The following CADM2 variants were observed in gnomAD, a reference collection of about 807,000 sequenced individuals.
CADM2 encodes cell adhesion molecule 2.
A neutral mutation model predicts 49.8 loss-of-function variants in CADM2; 12 were observed. That is an observed-to-expected ratio of 0.24 (90% CI 0.15 to 0.39). The LOEUF is 0.39. Ranked by LOEUF, CADM2 falls within the 10% of genes least tolerant of loss-of-function variation. The pLI, the probability that CADM2 is intolerant of heterozygous loss-of-function variation, is 1.00. For missense variants in CADM2, 378 were observed against 492.3 expected, an observed-to-expected ratio of 0.77 and a Z score of 2.20; for synonymous variants, 214 against 175.4, an observed-to-expected ratio of 1.22 and a Z score of -1.74.
At chr3:85,979,589 G>C (rs1285711903) in intron 8 of CADM2, among the ~76,000 whole-genome samples, 1 of 151,586 alleles carries the variant, frequency 6.6e-6, no homozygotes, top group African/African-American at 2.4e-5. Context: ...TGCCTGTCTT[G>C]AGAGGTAAAC....
At chr3:85,098,637 A>T (rs1326690416) in intron 1 of CADM2, among the ~76,000 whole-genome samples, 1 of 152,154 alleles carries the variant, frequency 6.6e-6, no homozygotes, top group Non-Finnish European at 1.5e-5. Flanking sequence ...GCTACAAATA[A>T]CTATATTCGT....
intron 1 of CADM2, among the ~76,000 whole-genome samples, chr3:85,251,500 A>AT (rs749679316): frequency 3.9e-5 from 6 of 151,986 alleles, no homozygotes; most frequent in Non-Finnish European, 5.9e-5. Flanking sequence ...TCATGAACTA[A>AT]TATAAGATTA....
chr3:86,022,472 AAT>A (rs1380927087), intron 8 of CADM2, among the ~76,000 whole-genome samples: 2 of 152,164 alleles, frequency 1.3e-5, no homozygotes, highest in Non-Finnish European at 2.9e-5. Context: ...AGAATGGATC[AAT>A]GTCTGAAAAA....
chr3:85,116,551 C>T (rs147357414), intron 1 of CADM2, among the ~76,000 whole-genome samples: 6 of 152,198 alleles, frequency 3.9e-5, no homozygotes, highest in East Asian at 3.9e-4. Flanking sequence ...GAATTGAACA[C>T]GTTTGATTAT....
intron 2 of CADM2, among the ~76,000 whole-genome samples, chr3:85,784,538 C>A (rs9813702): frequency 1.2e-4 from 9 of 75,564 alleles, no homozygotes; most frequent in Admixed American, 2.2e-4. Context: ...ATTTATCTAT[C>A]TATCTATCTA....
At chr3:85,933,960 A>G (rs781492759) in intron 6 of CADM2, among the ~76,000 whole-genome samples, 2 of 152,090 alleles carry the variant, frequency 1.3e-5, no homozygotes, top group Non-Finnish European at 2.9e-5. Flanking sequence ...TACCAACTTT[A>G]ATGTTAATCT....
At chr3:85,687,468 A>G (rs955142255) in intron 1 of CADM2, among the ~76,000 whole-genome samples, 1 of 152,196 alleles carries the variant, frequency 6.6e-6, no homozygotes, top group Non-Finnish European at 1.5e-5. Context: ...AAAGGGAAAA[A>G]TATGATAGAA....
intron 1 of CADM2, among the ~76,000 whole-genome samples, chr3:85,300,362 TTG>T (rs1449412599): frequency 6.6e-6 from 1 of 152,168 alleles, no homozygotes; most frequent in Non-Finnish European, 1.5e-5. Flanking sequence ...TTTCTATTTT[TTG>T]TGTTACAATA....
intron 1 of CADM2, among the ~76,000 whole-genome samples, chr3:85,514,924 C>G (rs1402464134): frequency 6.6e-6 from 1 of 151,888 alleles, no homozygotes. Context: ...TCTTTATTAC[C>G]CTATTCTATT....
At chr3:85,033,370 C>T (rs942689141) in intron 1 of CADM2, among the ~76,000 whole-genome samples, 4 of 152,132 alleles carry the variant, frequency 2.6e-5, no homozygotes, top group Non-Finnish European at 5.9e-5. Flanking sequence ...TGTTTTCTTT[C>T]ATAGAGACAG....
At chr3:85,534,321 G>A (rs58919842) in intron 1 of CADM2, among the ~76,000 whole-genome samples, 77,878 of 151,918 alleles carry the variant, frequency 0.51, 23,040 homozygotes, top group East Asian at 0.85. Context: ...AAATCAGAAT[G>A]TAACTTAGTT....
intron 1 of CADM2, among the ~76,000 whole-genome samples, chr3:85,612,357 A>G (rs2063701554): frequency 6.6e-6 from 1 of 151,880 alleles, no homozygotes; most frequent in South Asian, 2.1e-4. Context: ...TTCCTAAATT[A>G]TAGTGTCTGG....
At chr3:85,177,982 A>G (rs1337843782) in intron 1 of CADM2, among the ~76,000 whole-genome samples, 2 of 151,970 alleles carry the variant, frequency 1.3e-5, no homozygotes, top group Non-Finnish European at 2.9e-5. Flanking sequence ...TTAAGCATGC[A>G]ATATGATTCC....
intron 1 of CADM2, among the ~76,000 whole-genome samples, chr3:85,258,327 T>C (rs1329424380): frequency 6.6e-6 from 1 of 152,096 alleles, no homozygotes; most frequent in Non-Finnish European, 1.5e-5. Flanking sequence ...TTTTCATGGT[T>C]TTCCCTATTT....
chr3:85,097,327 A>T (rs1418119946), intron 1 of CADM2, among the ~76,000 whole-genome samples: 1 of 152,114 alleles, frequency 6.6e-6, no homozygotes, highest in Non-Finnish European at 1.5e-5. Flanking sequence ...AAGGACATGA[A>T]TTCTTCATTT....
At chr3:85,677,515 A>G (rs1433441764) in intron 1 of CADM2, among the ~76,000 whole-genome samples, 1 of 152,192 alleles carries the variant, frequency 6.6e-6, no homozygotes, top group African/African-American at 2.4e-5. Flanking sequence ...GTAAGCTAAG[A>G]GTATAATAAA....
intron 1 of CADM2, among the ~76,000 whole-genome samples, chr3:85,693,103 G>T (rs1412817188): frequency 6.6e-6 from 1 of 151,880 alleles, no homozygotes; most frequent in Admixed American, 6.6e-5. Flanking sequence ...ACAAAAATTA[G>T]CCGGGCGTGG....
chr3:85,545,398 G>C (rs2061646604), intron 1 of CADM2, among the ~76,000 whole-genome samples: 1 of 152,128 alleles, frequency 6.6e-6, no homozygotes, highest in Non-Finnish European at 1.5e-5. Flanking sequence ...AATTCTGTTT[G>C]TTTAATATAT....
chr3:85,582,389 T>C (rs2062824145), intron 1 of CADM2, among the ~76,000 whole-genome samples: 1 of 152,190 alleles, frequency 6.6e-6, no homozygotes, highest in Admixed American at 6.5e-5. Context: ...ACTGATTCAT[T>C]GATCTGCTTG....
Sources: gnomAD v4.1 joint callset for allele counts (sites outside exome capture counted in the v4.1 genomes callset) on GRCh38, gnomAD v4.1.1 for gene constraint, MANE v1.5 for transcripts, NCBI Gene and HGNC (gene_info 2026-07-23, HGNC 2026-07-21) for gene names.